The following SLC29A1 variants were observed in gnomAD, a reference collection of about 807,000 sequenced individuals.
SLC29A1 encodes the protein solute carrier family 29 member 1 (Augustine blood group).
In SLC29A1, 22 loss-of-function variants were observed where a neutral mutation model predicts 48.3. The observed-to-expected ratio is 0.46, with a 90% CI of 0.33 to 0.65. The LOEUF is 0.65. Among genes scored for constraint, SLC29A1 ranks in the 30% least tolerant of loss-of-function variants. The probability of loss-of-function intolerance (pLI) is 0.03; values close to 1 mark genes in which losing one functional copy is unlikely to be tolerated. For synonymous variants in SLC29A1, 228 were observed against 231.0 expected (o/e 0.99, Z 0.12); for missense variants, 491 against 575.3 (o/e 0.85, Z 1.50).
In SLC29A1 at chr6:44,232,374, G is replaced by C; in HGVS notation, c.1005G>C (p.Leu335Phe). Reference sequence around the variant, plus strand: ...ACTTCATTCCTGTGTCCTGTTTCTTGACTTTCAATATCTTTGACTGGTTGG... The same window carrying C: ...ACTTCATTCCTGTGTCCTGTTTCTTCACTTTCAATATCTTTGACTGGTTGG... ...ERYFIPVSCF[L>F]TFNIFDWLGR... Residue 335 changes from leucine to phenylalanine, a missense_variant, in exon 11 of 13, where the codon TTG (leucine) becomes TTC (phenylalanine). Transcript: ENST00000371755. This position sits in a 1 kb window ranked among gnomAD's most constrained non-coding sequence, Gnocchi z 4.7. 6.2e-7 allele frequency: 1 copy of C among 1,613,736 alleles called. No homozygotes were observed. The highest frequency in any genetic ancestry group is 8.5e-7 in the Non-Finnish European group (1 of 1,179,704).
At chr6:44,227,011 G>T (rs1777693099) in intron 1 of SLC29A1, 3 of 1,250,178 alleles carry the variant, frequency 2.4e-6, no homozygotes, top group Non-Finnish European at 3.0e-6. Flanking sequence ...GATAAAAATA[G>T]CGGTGGCAGC....
chr6:44,228,309 C>G (rs532238762), intron 2 of SLC29A1, among the ~76,000 whole-genome samples: 47 of 152,344 alleles, frequency 3.1e-4, no homozygotes, highest in African/African-American at 9.1e-4. Flanking sequence ...CGTACTCCCC[C>G]CAACCCCGAT....
chr6:44,230,403 A>G lies in SLC29A1; in HGVS notation c.511A>G (p.Ser171Gly). ...TGGTCTGGCTGGCCTTCTGCCTGCCAGCTACACGGCCCCCATCATGAGTGG... is the reference window on the plus strand; with the variant it reads ...TGGTCTGGCTGGCCTTCTGCCTGCCGGCTACACGGCCCCCATCATGAGTGG... The part of the protein sequence containing the change: ...LFGLAGLLPA[S>G]YTAPIMSGQG... The change falls in exon 6 of 13, where the codon AGC becomes GGC. Residue 171 changes from serine (S) to glycine (G), a missense_variant. Coordinates refer to ENST00000371755, the MANE Select transcript of SLC29A1 (RefSeq NM_001372327.1). 1 of 1,614,082 alleles carries G rather than the reference A, an allele frequency of 6.2e-7. No homozygotes were observed. Among genetic ancestry groups the G allele is most frequent in the Non-Finnish European group, 8.5e-7 (1 of 1,179,964 alleles).
chr6:44,228,910 G>C (rs1225793933), intron 2 of SLC29A1, among the ~76,000 whole-genome samples: 5 of 152,218 alleles, frequency 3.3e-5, no homozygotes, highest in Non-Finnish European at 7.3e-5. Context: ...GTCCAGAATA[G>C]TATGGGAGTT....
In SLC29A1 at chr6:44,231,476, T is replaced by C; in HGVS notation, c.864+15T>C. On this transcript the variant is annotated intron_variant, in intron 9 of 12. Transcript: ENST00000371755. Reference sequence around the variant, plus strand: ...TCCTGAAAAATGTACGTAGGGGAGGTTATCCTATCTTCTACCCCTTGTCCT... The same window carrying C: ...TCCTGAAAAATGTACGTAGGGGAGGCTATCCTATCTTCTACCCCTTGTCCT... 1.3e-6 allele frequency: 2 copies of C among 1,492,882 alleles called. No homozygotes were observed. The highest frequency in any genetic ancestry group is 1.9e-6 in the Non-Finnish European group (2 of 1,075,894). 92.5% of individuals were successfully genotyped at this position (1,492,882 alleles called of 1,614,324 possible). A position where few individuals can be genotyped will look rare whatever the true frequency, so the allele number is the denominator to read the frequency against.
intron 2 of SLC29A1, among the ~76,000 whole-genome samples, chr6:44,228,879 C>T (rs1021917859): frequency 2.6e-5 from 4 of 152,202 alleles, no homozygotes; most frequent in African/African-American, 9.7e-5. Flanking sequence ...CCCTGAGGCA[C>T]CCTGCCCACC....
upstream of SLC29A1, among the ~76,000 whole-genome samples, chr6:44,220,899 A>G (rs1398287101): frequency 1.3e-5 from 2 of 152,106 alleles, 1 homozygote; most frequent in African/African-American, 4.8e-5. Context: ...TTGTGTTTTC[A>G]GACAAGGTCT....
intron 1 of SLC29A1, among the ~76,000 whole-genome samples, chr6:44,224,211 A>T (rs374833753): frequency 6.6e-6 from 1 of 151,958 alleles, no homozygotes. Context: ...TTACCAGGAG[A>T]GAGCAGTCGT....
At chr6:44,231,913 C>T in intron 9 of SLC29A1, 85 bp from the exon 10 acceptor site, 2 of 1,015,618 alleles carry the variant, frequency 2.0e-6, no homozygotes, top group Non-Finnish European at 3.1e-6. Flanking sequence ...CGTGAGCCAC[C>T]ACGCCTGGCC....
chr6:44,229,253 G>C lies in SLC29A1; in HGVS notation c.30-137G>C. On this transcript the variant is annotated intron_variant, in intron 2 of 12. Transcript: ENST00000371755. The surrounding 1 kb of genome is among the most constrained non-coding windows in gnomAD (Gnocchi z 5.1). The stretch of plus-strand genomic sequence containing the variant: ...CCCCCACACCCATAAGAGGACACAT[G>C]CAAACGGACACAAACACAGACGCCC... The C allele has an allele frequency of 1.6e-5, 12 of 739,938 alleles. No individual in the cohort carries two copies. The highest frequency in any genetic ancestry group is 6.5e-4 in the Middle Eastern group (2 of 3,062). The allele number at this position is 739,938 out of a possible 1,614,324, so 45.8% of individuals were successfully genotyped here.
At chr6:44,222,964 CAA>C (rs1447248446), upstream of SLC29A1, among the ~76,000 whole-genome samples, 1 of 152,314 alleles carries the variant, frequency 6.6e-6, no homozygotes, top group Non-Finnish European at 1.5e-5. Flanking sequence ...CCCTCCAAGT[CAA>C]AGTTGTGAGT....
chr6:44,232,923 C>T lies in SLC29A1; in HGVS notation c.1176C>T (p.His392=), dbSNP rs774641436. 1.8e-5 allele frequency: 29 copies of T among 1,614,060 alleles called. No individual in the cohort carries two copies. Among genetic ancestry groups the T allele is most frequent in the Non-Finnish European group, 2.4e-5 (28 of 1,180,060 alleles). The change falls in exon 12 of 13, where the codon CAC becomes CAT. Residue 392 remains histidine, a synonymous_variant. Transcript: ENST00000371755. The surrounding 1 kb of genome is among the most constrained non-coding windows in gnomAD (Gnocchi z 4.7). ...PRRYLTVVFE[H]DAWFIFFMAA... Reference sequence around the variant, plus strand: ...GCTACCTGACTGTGGTCTTCGAGCACGATGCCTGGTTCATCTTCTTCATGG... The same window carrying T: ...GCTACCTGACTGTGGTCTTCGAGCATGATGCCTGGTTCATCTTCTTCATGG...
chr6:44,221,743 T>A, upstream of SLC29A1: 1 of 870,652 alleles, frequency 1.1e-6, no homozygotes, highest in Non-Finnish European at 1.6e-6. This position sits in a 1 kb window ranked among gnomAD's most constrained non-coding sequence, Gnocchi z 4.2. Context: ...CAACCTCTGC[T>A]TGGGAGGTGG....
At chr6:44,231,182 C>T (rs184372040) in intron 8 of SLC29A1, among the ~76,000 whole-genome samples, 182 bp from the exon 9 acceptor site, 2 of 152,092 alleles carry the variant, frequency 1.3e-5, no homozygotes, top group African/African-American at 4.8e-5. Context: ...TGGGAGAGGC[C>T]AGGCCCCCGG....
chr6:44,229,738 T>C lies in SLC29A1; in HGVS notation c.261T>C (p.Cys87=), dbSNP rs1778403711. The change falls in exon 4 of 13, where the codon TGT becomes TGC. Residue 87 remains cysteine, a synonymous_variant. Transcript: ENST00000371755. This position sits in a 1 kb window ranked among gnomAD's most constrained non-coding sequence, Gnocchi z 5.1. ...TCTTCAACAATGTCATGACCCTATG[T>C]GCCATGCTGCCCCTGCTGTTATTCA... ...SAIFNNVMTL[C]AMLPLLLFTY... is the part of the protein sequence containing the mutation. The C allele has an allele frequency of 1.9e-6, 3 of 1,613,858 alleles. No individual in the cohort carries two copies. Among genetic ancestry groups the C allele is most frequent in the Non-Finnish European group, 1.7e-6 (2 of 1,180,036 alleles).
intron 2 of SLC29A1, among the ~76,000 whole-genome samples, chr6:44,228,785 T>C (rs1338976634): frequency 6.6e-6 from 1 of 152,186 alleles, no homozygotes; most frequent in Non-Finnish European, 1.5e-5. Context: ...GCCCCATACC[T>C]CCTGGCCTGC....
chr6:44,231,548 C>A lies in SLC29A1; in HGVS notation c.864+87C>A, dbSNP rs116823363. 1.4e-3 allele frequency: 1,158 copies of A among 842,226 alleles called. 13 individuals carry two copies. In the African/African-American group the frequency reaches 0.016, roughly 12 times the overall value. The allele number at this position is 842,226 out of a possible 1,614,324, so 52.2% of individuals were successfully genotyped here. A position where few individuals can be genotyped will look rare whatever the true frequency, so the allele number is the denominator to read the frequency against. ...CCTCCCCCTGCCACCCATCTCCTCCCTTTCTGACCTGAGAGTGGTCACTCC... is the reference window on the plus strand; with the variant it reads ...CCTCCCCCTGCCACCCATCTCCTCCATTTCTGACCTGAGAGTGGTCACTCC... On this transcript the variant is annotated intron_variant, in intron 9 of 12. Coordinates refer to ENST00000371755, the MANE Select transcript of SLC29A1 (RefSeq NM_001372327.1).
rs1334012849 is a variant in SLC29A1, at chr6:44,233,510, G to C, written c.1353G>C (p.Leu451=). 3 of 1,613,768 alleles carry C rather than the reference G, an allele frequency of 1.9e-6. No homozygotes were observed. In the African/African-American group the frequency reaches 4.0e-5, roughly 22 times the overall value. ...CACTGGGGGCTGTTTTCTCCTTCCT[G>C]TTCCGGGCAATTGTGTGACAAAGGA... is the stretch of plus-strand genomic sequence containing the variant. The part of the protein sequence containing the change: ...GLALGAVFSF[L]FRAIV The change falls in exon 13 of 13, where the codon CTG becomes CTC. Residue 451 remains leucine, a synonymous_variant. Transcript: ENST00000371755.
upstream of SLC29A1, chr6:44,221,679 G>A: frequency 1.6e-6 from 2 of 1,288,232 alleles, no homozygotes; most frequent in Non-Finnish European, 2.0e-6. This position sits in a 1 kb window ranked among gnomAD's most constrained non-coding sequence, Gnocchi z 4.2. Context: ...CTCCAGGCAA[G>A]GCCTGTGTAA....
Sources: gnomAD v4.1 joint callset for allele counts (sites outside exome capture counted in the v4.1 genomes callset) on GRCh38, gnomAD v4.1.1 for gene constraint, Gnocchi (gnomAD v3.1) non-coding constraint, MANE v1.5 for transcripts, NCBI Gene and HGNC (gene_info 2026-07-23, HGNC 2026-07-21) for gene names.